The following INO80D variants were observed in gnomAD, a reference collection of about 807,000 sequenced individuals.
INO80D encodes INO80 complex subunit D.
A neutral mutation model predicts 87.6 loss-of-function variants in INO80D; 21 were observed. The observed-to-expected ratio is 0.24, with a 90% confidence interval of 0.17 to 0.35. The LOEUF (loss-of-function observed/expected upper bound fraction) is 0.35. INO80D is among the 10% of genes least tolerant of loss of function. INO80D has a pLI of 1.00. For missense variants in INO80D, 982 were observed against 1,280.7 expected (o/e 0.77, Z 3.56); for synonymous variants, 440 against 491.0 (o/e 0.90, Z 1.37).
chr2:206,054,825 T>C (rs997913956), intron 4 of INO80D, among the ~76,000 whole-genome samples: 1 of 152,176 alleles, frequency 6.6e-6, no homozygotes, highest in Non-Finnish European at 1.5e-5. Context: ...ATTTTTGTTT[T>C]TTTAGAGACA....
intron 6 of INO80D, among the ~76,000 whole-genome samples, chr2:206,027,683 G>A (rs931234113): frequency 2.6e-5 from 4 of 152,054 alleles, no homozygotes; most frequent in African/African-American, 9.7e-5. Flanking sequence ...CAGCCTGGGC[G>A]ACAGAGCAAG....
chr2:206,010,403 C>G (rs1575796880), intron 8 of INO80D, among the ~76,000 whole-genome samples: 1 of 151,796 alleles, frequency 6.6e-6, no homozygotes, highest in African/African-American at 2.4e-5. Context: ...AAACCAGGAA[C>G]AGTATATAAA....
At chr2:206,023,985 T>C (rs1688536612) in intron 6 of INO80D, among the ~76,000 whole-genome samples, 1 of 152,216 alleles carries the variant, frequency 6.6e-6, no homozygotes, top group African/African-American at 2.4e-5. Flanking sequence ...CCCAAACTCA[T>C]TGTATAGTCT....
Position 206,028,306 on chromosome 2 carries a change from C to A in INO80D, c.1103G>T (p.Ser368Ile). The A allele has an allele frequency of 6.2e-7, 1 of 1,605,490 alleles. No individual in the cohort carries two copies. Among genetic ancestry groups the A allele is most frequent in the Non-Finnish European group, 8.5e-7 (1 of 1,173,082 alleles). ...ASDDDDAESR[S>I]SRVTQLCTYF... ...AGTGCAAAGTTGAGTCACCCTGGAG[C>A]TCCTACTCTCCGCATCATCATCATC... Residue 368 changes from serine (S) to isoleucine (I), a missense_variant, in exon 6 of 11, where the codon AGC becomes ATC. Transcript: ENST00000403263.
At chr2:206,052,819 T>G (rs903258802) in intron 4 of INO80D, among the ~76,000 whole-genome samples, 1 of 151,946 alleles carries the variant, frequency 6.6e-6, no homozygotes, top group African/African-American at 2.4e-5. Flanking sequence ...TATTTTAAAT[T>G]TATCAGTTTT....
rs1687915660 is a variant in INO80D, at chr2:206,002,075, C to T, written c.*2293G>A. On this transcript the variant is annotated 3_prime_UTR_variant, in exon 11 of 11. Transcript: ENST00000403263. ...TCAAATCGACTACCCACGACTTTCC[C>T]TTCCTTGTCAAAGGGCTGATGAGGA... 1 of 152,174 alleles carries T rather than the reference C, an allele frequency of 6.6e-6. No individual in the cohort carries two copies. The highest frequency in any genetic ancestry group is 2.4e-5 in the African/African-American group (1 of 41,432). The allele number at this position is 152,174 out of a possible 1,614,324, so 9.4% of individuals were successfully genotyped here. A position where few individuals can be genotyped will look rare whatever the true frequency, so the allele number is the denominator to read the frequency against.
chr2:206,024,096 G>T (rs903307565), intron 6 of INO80D, among the ~76,000 whole-genome samples: 2 of 152,100 alleles, frequency 1.3e-5, no homozygotes, highest in Non-Finnish European at 2.9e-5. Context: ...GTATACACTT[G>T]AAAGCATTAT....
chr2:206,038,640 T>C (rs899587959), intron 5 of INO80D, among the ~76,000 whole-genome samples: 1 of 152,146 alleles, frequency 6.6e-6, no homozygotes, highest in Non-Finnish European at 1.5e-5. Flanking sequence ...GAAAGTGGCC[T>C]GGGCAACATG....
In INO80D at chr2:206,002,780, G is replaced by GA. The variant is rs1687928586; in HGVS notation, c.*1587dup. On this transcript the variant is annotated 3_prime_UTR_variant, in exon 11 of 11. Coordinates refer to ENST00000403263, the MANE Select transcript of INO80D (RefSeq NM_017759.5). ...TAAGATCAAATATTCCCTGACAAAT[G>GA]AATTATTGAACCACATCAATAGGTA... is the stretch of plus-strand genomic sequence containing the variant. The GA allele has an allele frequency of 6.6e-6, 1 of 152,166 alleles. No homozygotes were observed. The highest frequency in any genetic ancestry group is 1.5e-5 in the Non-Finnish European group (1 of 68,024). The allele number at this position is 152,166 out of a possible 1,614,324, so 9.4% of individuals were successfully genotyped here.
intron 3 of INO80D, among the ~76,000 whole-genome samples, chr2:206,060,541 AAAAC>A (rs747292597): frequency 7.3e-5 from 11 of 151,216 alleles, no homozygotes; most frequent in African/African-American, 2.2e-4. Context: ...TCAAAAAAAA[AAAAC>A]AACAACAACA....
At chr2:206,040,250 C>A (rs537220590) in intron 5 of INO80D, among the ~76,000 whole-genome samples, 53 of 143,820 alleles carry the variant, frequency 3.7e-4, no homozygotes, top group Non-Finnish European at 7.0e-4. Flanking sequence ...CTCACCACTG[C>A]ACTCCAGCCT....
intron 1 of INO80D, among the ~76,000 whole-genome samples, chr2:206,072,589 T>C (rs1009433657): frequency 6.6e-6 from 1 of 152,134 alleles, no homozygotes; most frequent in Admixed American, 6.6e-5. Flanking sequence ...AATTCATATA[T>C]TTTGATTACA....
At chr2:206,021,931 T>C (rs1263845856) in intron 6 of INO80D, among the ~76,000 whole-genome samples, 2 of 152,102 alleles carry the variant, frequency 1.3e-5, no homozygotes, top group Non-Finnish European at 2.9e-5. Context: ...ATAATTTTCA[T>C]TAAACACTCT....
At chr2:206,029,177 C>A (rs761568632) in intron 5 of INO80D, among the ~76,000 whole-genome samples, 2 of 152,084 alleles carry the variant, frequency 1.3e-5, no homozygotes, top group African/African-American at 2.4e-5. Flanking sequence ...CATGAGCCAC[C>A]GAGCCCGGCC....
At position 206,049,197 on chromosome 2, in the gene INO80D, T is replaced by C. The variant is rs557828225; in HGVS notation, c.965-2585A>G. The stretch of plus-strand genomic sequence containing the variant: ...GAAATTAAGAAAAGGTTAATTAAAA[T>C]GCAAATTATGAATGCTTAAGATTAA... On this transcript the variant is annotated intron_variant, in intron 4 of 10. Transcript: ENST00000403263. Among the ~76,000 whole-genome samples the C allele has an allele frequency of 7.2e-5, 11 of 152,312 alleles. No homozygotes were observed. In the Middle Eastern group the frequency reaches 0.014, roughly 188 times the overall value.
intron 5 of INO80D, among the ~76,000 whole-genome samples, chr2:206,037,002 G>A (rs1427007948): frequency 5.3e-5 from 8 of 152,142 alleles, no homozygotes; most frequent in Non-Finnish European, 1.2e-4. Flanking sequence ...CCTGGTTGCT[G>A]ATGAAGAGTA....
chr2:206,085,223 C>T lies in INO80D; in HGVS notation c.-124+678G>A, dbSNP rs982753178. Among the ~76,000 whole-genome samples the T allele has an allele frequency of 6.6e-6, 1 of 152,122 alleles. No individual in the cohort carries two copies. Among genetic ancestry groups the T allele is most frequent in the African/African-American group, 2.4e-5 (1 of 41,458 alleles). ...TGCACCTGACTCCTCACCGCCCCTC[C>T]ACCCGACCCCACGCCCGCCAGGCCG... On this transcript the variant is annotated intron_variant, in intron 1 of 10. Coordinates refer to ENST00000403263, the MANE Select transcript of INO80D (RefSeq NM_017759.5). The surrounding 1 kb of genome is among the most constrained non-coding windows in gnomAD (Gnocchi z 4.5).
At position 205,996,862 on chromosome 2, in the gene INO80D, G is replaced by A. The variant is rs1687818392; in HGVS notation, c.*7506C>T. 2 of 151,914 alleles carry A rather than the reference G, an allele frequency of 1.3e-5. No homozygotes were observed. The highest frequency in any genetic ancestry group is 4.1e-4 in the South Asian group (2 of 4,824). The allele number at this position is 151,914 out of a possible 1,614,324, so 9.4% of individuals were successfully genotyped here. ...GCAACTGAAGGGAGAAATGGCACCA[G>A]TACAAACTCCCTTCTTTCATTTGCA... is the stretch of plus-strand genomic sequence containing the variant. On this transcript the variant is annotated 3_prime_UTR_variant, in exon 11 of 11. Coordinates refer to ENST00000403263, the MANE Select transcript of INO80D (RefSeq NM_017759.5).
At chr2:206,009,376 T>C (rs1469503789) in intron 9 of INO80D, among the ~76,000 whole-genome samples, 1 of 152,218 alleles carries the variant, frequency 6.6e-6, no homozygotes, top group Non-Finnish European at 1.5e-5. Flanking sequence ...TTCTCTTTAT[T>C]GTAAGCAAAA....
Sources: allele counts gnomAD v4.1 joint callset (sites outside exome capture counted in the v4.1 genomes callset), GRCh38; gene constraint gnomAD v4.1.1; non-coding constraint Gnocchi (gnomAD v3.1); transcripts MANE v1.5; gene names NCBI Gene and HGNC (gene_info 2026-07-23, HGNC 2026-07-21).